The following PEBP4 variants were observed in gnomAD, a reference collection of about 807,000 sequenced individuals.
The protein encoded by PEBP4 is phosphatidylethanolamine binding protein 4, also known as phosphatidylethanolamine-binding protein 4.
A neutral mutation model predicts 23.9 loss-of-function variants in PEBP4; 22 were observed. That is an observed-to-expected ratio of 0.92 (90% confidence interval 0.66 to 1.31). The LOEUF (loss-of-function observed/expected upper bound fraction) is 1.31, where lower values mean the gene tolerates loss of function less well. PEBP4 is among the 40% of genes most tolerant of loss of function. The pLI is 0.00. For missense variants in PEBP4, 324 were observed against 281.7 expected (o/e 1.15, Z -1.07); for synonymous variants, 112 against 99.3 (o/e 1.13, Z -0.76).
intron 3 of PEBP4, among the ~76,000 whole-genome samples, chr8:22,831,949 T>A (rs980363346): frequency 1.9e-4 from 28 of 149,294 alleles, no homozygotes; most frequent in Admixed American, 1.9e-3. Context: ...GGTTTGTAGA[T>A]GAAAAGGGCG....
At chr8:22,909,541 C>T (rs1808890261) in intron 3 of PEBP4, among the ~76,000 whole-genome samples, 1 of 152,176 alleles carries the variant, frequency 6.6e-6, no homozygotes, top group African/African-American at 2.4e-5. Flanking sequence ...AGAGGAGTCT[C>T]ACAACCCACT....
intron 4 of PEBP4, among the ~76,000 whole-genome samples, chr8:22,753,129 G>A (rs1805303952): frequency 6.6e-6 from 1 of 152,214 alleles, no homozygotes; most frequent in African/African-American, 2.4e-5. Context: ...ACCAGGTGCA[G>A]AGACAGGGCT....
At chr8:22,738,012 C>A (rs1804907226) in intron 4 of PEBP4, among the ~76,000 whole-genome samples, 1 of 152,150 alleles carries the variant, frequency 6.6e-6, no homozygotes, top group Non-Finnish European at 1.5e-5. Flanking sequence ...GCCCCGGGAG[C>A]CCATCCTGCG....
intron 4 of PEBP4, among the ~76,000 whole-genome samples, chr8:22,794,380 C>T (rs1806199914): frequency 6.6e-6 from 1 of 152,120 alleles, no homozygotes; most frequent in Non-Finnish European, 1.5e-5. Context: ...CAACCTCTGC[C>T]TCCCAGGTTC....
chr8:22,839,278 C>A (rs373949628), intron 3 of PEBP4, among the ~76,000 whole-genome samples: 1 of 152,002 alleles, frequency 6.6e-6, no homozygotes, highest in Admixed American at 6.6e-5. Flanking sequence ...GTGGGTGGAG[C>A]CTTGGTTGGG....
intron 3 of PEBP4, among the ~76,000 whole-genome samples, chr8:22,918,163 G>A (rs371784864): frequency 5.3e-5 from 8 of 152,224 alleles, no homozygotes; most frequent in African/African-American, 1.4e-4. Flanking sequence ...GAATAAGGTG[G>A]CACTCACTGA....
At chr8:22,724,240 C>T (rs1419894127) in intron 6 of PEBP4, among the ~76,000 whole-genome samples, 2 of 152,188 alleles carry the variant, frequency 1.3e-5, no homozygotes, top group Non-Finnish European at 2.9e-5. Flanking sequence ...CTCCTGCTCC[C>T]TGGCCCTGGT....
chr8:22,790,629 G>A (rs908070149), intron 4 of PEBP4, among the ~76,000 whole-genome samples: 3 of 152,160 alleles, frequency 2.0e-5, no homozygotes, highest in South Asian at 2.1e-4. Context: ...GCTGGGGCCT[G>A]ACCTTGAAGG....
intron 4 of PEBP4, among the ~76,000 whole-genome samples, chr8:22,776,566 A>G (rs1016921759): frequency 6.6e-6 from 1 of 150,810 alleles, no homozygotes; most frequent in Admixed American, 6.6e-5. Flanking sequence ...TCCTCCTCCC[A>G]CGGGTTTCTC....
chr8:22,714,632 C>G (rs901217586), intron 6 of PEBP4, among the ~76,000 whole-genome samples: 1 of 151,744 alleles, frequency 6.6e-6, no homozygotes, highest in Non-Finnish European at 1.5e-5. Context: ...AGGCAGTGGT[C>G]GATACACAGT....
At chr8:22,879,632 C>T (rs1472717635) in intron 3 of PEBP4, among the ~76,000 whole-genome samples, 1 of 152,196 alleles carries the variant, frequency 6.6e-6, no homozygotes, top group East Asian at 1.9e-4. Flanking sequence ...CTATTGTCAC[C>T]ACGTTATCCC....
At chr8:22,847,203 T>C (rs535947831) in intron 3 of PEBP4, among the ~76,000 whole-genome samples, 2 of 152,212 alleles carry the variant, frequency 1.3e-5, no homozygotes, top group East Asian at 3.9e-4. Context: ...CAGCAAGTCA[T>C]GTTCAAAGGT....
chr8:22,760,023 A>C (rs1170231375), intron 4 of PEBP4, among the ~76,000 whole-genome samples: 1 of 152,096 alleles, frequency 6.6e-6, no homozygotes, highest in East Asian at 1.9e-4. Context: ...TTCCAAGACT[A>C]CCTAGGCACA....
chr8:22,733,826 T>C (rs1182484085), intron 4 of PEBP4, among the ~76,000 whole-genome samples: 2 of 5,332 alleles, frequency 3.8e-4, no homozygotes, highest in African/African-American at 1.4e-3. Flanking sequence ...TTGGGGAGGG[T>C]GGGGATGGGG....
chr8:22,714,680 GAAGAGGGC>G (rs1473742166), intron 6 of PEBP4, among the ~76,000 whole-genome samples: 9 of 152,142 alleles, frequency 5.9e-5, no homozygotes, highest in African/African-American at 1.9e-4. Context: ...TACCCAGACA[GAAGAGGGC>G]AAGGGGTTGG....
intron 2 of PEBP4, among the ~76,000 whole-genome samples, chr8:22,924,397 C>T (rs1292229343): frequency 2.6e-5 from 4 of 152,020 alleles, no homozygotes; most frequent in African/African-American, 7.3e-5. Flanking sequence ...GAGACCAAGG[C>T]CCCTGAGAGA....
chr8:22,786,817 C>A (rs1020307979), intron 4 of PEBP4, among the ~76,000 whole-genome samples: 1 of 147,294 alleles, frequency 6.8e-6, no homozygotes, highest in Non-Finnish European at 1.5e-5. Context: ...GGCTGCACCC[C>A]CTACCGCTTT....
At chr8:22,762,998 G>A (rs1477576733) in intron 4 of PEBP4, among the ~76,000 whole-genome samples, 1 of 151,972 alleles carries the variant, frequency 6.6e-6, no homozygotes, top group Non-Finnish European at 1.5e-5. Context: ...TTTTCTGAGG[G>A]CTGAAAGAAG....
intron 3 of PEBP4, among the ~76,000 whole-genome samples, chr8:22,888,490 C>T (rs932929670): frequency 6.6e-6 from 1 of 152,162 alleles, no homozygotes; most frequent in African/African-American, 2.4e-5. Context: ...TCAGTCTTGG[C>T]CCCTGCTATG....
Sources: allele counts gnomAD v4.1 joint callset (sites outside exome capture counted in the v4.1 genomes callset), GRCh38; gene constraint gnomAD v4.1.1; transcripts MANE v1.5; gene names NCBI Gene and HGNC (gene_info 2026-07-23, HGNC 2026-07-21).